DPP10: variants seen among roughly 807,000 people sequenced by gnomAD.
DPP10 encodes the protein dipeptidyl peptidase like 10.
In DPP10, 33 loss-of-function variants were observed where a neutral mutation model predicts 120.9. The ratio of observed to expected loss-of-function variants is 0.27; its 90% CI spans 0.21 to 0.37. DPP10 has a LOEUF of 0.37. Among genes scored for constraint, DPP10 ranks in the 10% least tolerant of loss-of-function variants. The pLI is 1.00. For missense variants in DPP10, 816 were observed against 942.8 expected, an observed-to-expected ratio of 0.87 and a Z score of 1.76; for synonymous variants, 337 against 326.1, an observed-to-expected ratio of 1.03 and a Z score of -0.36.
At chr2:115,168,536 A>G (rs1378684217) in intron 1 of DPP10, among the ~76,000 whole-genome samples, 1 of 152,188 alleles carries the variant, frequency 6.6e-6, no homozygotes, top group African/African-American at 2.4e-5. Flanking sequence ...CTCTTGTTTT[A>G]AAGTTTTTAT....
At chr2:115,339,070 A>T (rs1156822051) in intron 2 of DPP10, among the ~76,000 whole-genome samples, 1 of 152,170 alleles carries the variant, frequency 6.6e-6, no homozygotes, top group African/African-American at 2.4e-5. Flanking sequence ...AAGCATTTGT[A>T]TTTAGAATAG....
chr2:114,700,707 C>T (rs1458782772), intron 1 of DPP10, among the ~76,000 whole-genome samples: 1 of 152,086 alleles, frequency 6.6e-6, no homozygotes, highest in Non-Finnish European at 1.5e-5. Context: ...TGTACAGCCT[C>T]TTCACTGGAG....
At chr2:114,948,045 T>C (rs983245715) in intron 1 of DPP10, among the ~76,000 whole-genome samples, 5 of 152,192 alleles carry the variant, frequency 3.3e-5, no homozygotes, top group African/African-American at 1.2e-4. Flanking sequence ...TATTTTTCCC[T>C]CCTGGACTAT....
chr2:115,738,181 G>A (rs937114925), intron 8 of DPP10, among the ~76,000 whole-genome samples: 2 of 152,112 alleles, frequency 1.3e-5, no homozygotes, highest in Admixed American at 1.3e-4. Context: ...ATGGAGTTGA[G>A]CCTCTAATAT....
rs563528060 is a variant in DPP10, at chr2:115,307,669, T to C, written c.61-1570T>C. Among the ~76,000 whole-genome samples, 3 of 152,212 alleles carry C rather than the reference T, an allele frequency of 2.0e-5. No homozygotes were observed. In the South Asian group the frequency reaches 6.2e-4, roughly 32 times the overall value. ...TGTCACTCTACCTTCTGAGTAGCCTTGAAGTAGGGCATCATTATAGAGAAT... is the reference window on the plus strand; with the variant it reads ...TGTCACTCTACCTTCTGAGTAGCCTCGAAGTAGGGCATCATTATAGAGAAT... On this transcript the variant is annotated intron_variant, in intron 1 of 25. Coordinates refer to ENST00000410059, the MANE Select transcript of DPP10 (RefSeq NM_020868.6).
At chr2:114,661,920 C>A (rs749510007) in intron 1 of DPP10, among the ~76,000 whole-genome samples, 1 of 151,186 alleles carries the variant, frequency 6.6e-6, no homozygotes, top group African/African-American at 2.4e-5. Context: ...CAGGGGTTGA[C>A]AAAGGAACTT....
intron 5 of DPP10, among the ~76,000 whole-genome samples, chr2:115,611,272 T>G (rs2149251337): frequency 6.6e-6 from 1 of 152,308 alleles, no homozygotes; most frequent in East Asian, 1.9e-4. Context: ...CCTGGATACA[T>G]AATTTGGAAA....
At chr2:115,637,344 A>C (rs2149337940) in intron 5 of DPP10, among the ~76,000 whole-genome samples, 1 of 152,278 alleles carries the variant, frequency 6.6e-6, no homozygotes, top group African/African-American at 2.4e-5. Context: ...ATGGCTTTTG[A>C]GTAGTTTGAA....
intron 1 of DPP10, among the ~76,000 whole-genome samples, chr2:114,444,908 G>C (rs1036019): frequency 0.56 from 85,459 of 151,908 alleles, 24,373 homozygotes; most frequent in Middle Eastern, 0.76. Context: ...TGAGTATTTT[G>C]CAATTTGCAA....
chr2:114,471,315 A>G (rs890780454), intron 1 of DPP10, among the ~76,000 whole-genome samples: 1 of 152,220 alleles, frequency 6.6e-6, no homozygotes, highest in African/African-American at 2.4e-5. Context: ...TTTTCTTGGC[A>G]AAGTCAAGAG....
chr2:115,118,353 C>T (rs923283951), intron 1 of DPP10, among the ~76,000 whole-genome samples: 1 of 152,168 alleles, frequency 6.6e-6, no homozygotes, highest in Non-Finnish European at 1.5e-5. Flanking sequence ...TGGAAGTTAA[C>T]AGTGCCAGCT....
chr2:114,819,536 G>T (rs1685916344), intron 1 of DPP10, among the ~76,000 whole-genome samples: 1 of 152,182 alleles, frequency 6.6e-6, no homozygotes, highest in South Asian at 2.1e-4. Context: ...ATTTGACATT[G>T]TAATCATGCA....
intron 5 of DPP10, among the ~76,000 whole-genome samples, chr2:115,612,480 C>T (rs2084180567): frequency 6.6e-6 from 1 of 152,136 alleles, no homozygotes; most frequent in Middle Eastern, 3.2e-3. Context: ...AAAAATGCAA[C>T]ATTATCATTA....
intron 1 of DPP10, among the ~76,000 whole-genome samples, chr2:115,002,086 A>T (rs1701479954): frequency 1.3e-5 from 2 of 152,228 alleles, no homozygotes; most frequent in Non-Finnish European, 2.9e-5. Flanking sequence ...AATCCTAAGC[A>T]AAAGGAACAG....
chr2:114,717,242 G>GCCATA (rs1209417338), intron 1 of DPP10, among the ~76,000 whole-genome samples: 1 of 152,146 alleles, frequency 6.6e-6, no homozygotes, highest in Non-Finnish European at 1.5e-5. Context: ...GAAAACAAAG[G>GCCATA]CCATAGAAAG....
chr2:115,013,420 C>T (rs750902249), intron 1 of DPP10, among the ~76,000 whole-genome samples: 82 of 151,972 alleles, frequency 5.4e-4, no homozygotes, highest in Non-Finnish European at 9.4e-4. Flanking sequence ...TCTGGTTGCC[C>T]GTAACATTTT....
chr2:115,572,644 A>G (rs1389887892), intron 5 of DPP10, among the ~76,000 whole-genome samples: 1 of 152,196 alleles, frequency 6.6e-6, no homozygotes, highest in East Asian at 1.9e-4. Context: ...TGATCTAGAT[A>G]AGAGTCATCA....
chr2:115,518,209 T>A (rs1466266937), intron 4 of DPP10, among the ~76,000 whole-genome samples: 2 of 152,156 alleles, frequency 1.3e-5, no homozygotes, highest in African/African-American at 4.8e-5. Context: ...GGGATCAAAT[T>A]TCGATATGAG....
At chr2:115,503,655 A>C in intron 4 of DPP10, among the ~76,000 whole-genome samples, 1 of 152,302 alleles carries the variant, frequency 6.6e-6, no homozygotes, top group South Asian at 2.1e-4. Flanking sequence ...GAATCCCAGT[A>C]GTGATAGACA....
Sources: allele counts gnomAD v4.1 joint callset (sites outside exome capture counted in the v4.1 genomes callset), GRCh38; gene constraint gnomAD v4.1.1; transcripts MANE v1.5; gene names NCBI Gene and HGNC (gene_info 2026-07-23, HGNC 2026-07-21).